Variants in ITIH2 observed in about 807,000 individuals in gnomAD.
The protein encoded by ITIH2 is inter-alpha-trypsin inhibitor heavy chain H2.
Under a neutral mutation model 104.4 loss-of-function variants are expected in ITIH2, and 103 were observed. That is an observed-to-expected ratio of 0.99 (90% confidence interval 0.84 to 1.16). The LOEUF (loss-of-function observed/expected upper bound fraction) is 1.16, where lower values mean the gene tolerates loss of function less well. Among genes scored for constraint, ITIH2 ranks in the 50% most tolerant of loss-of-function variants. ITIH2 has a pLI of 0.00. For synonymous variants in ITIH2, 436 were observed against 435.4 expected (o/e 1.00, Z -0.02); for missense variants, 1,108 against 1,162.4 (o/e 0.95, Z 0.68).
intron 19 of ITIH2, among the ~76,000 whole-genome samples, chr10:7,745,809 C>T (rs1835170617): frequency 6.6e-6 from 1 of 151,168 alleles, no homozygotes; most frequent in African/African-American, 2.4e-5. Context: ...GGCTGGAGCG[C>T]AGTGGCGCAA....
chr10:7,741,417 A>G (rs1453501941), intron 16 of ITIH2, among the ~76,000 whole-genome samples: 2 of 151,938 alleles, frequency 1.3e-5, no homozygotes, highest in Non-Finnish European at 2.9e-5. Context: ...TGACCTCGTG[A>G]TCCACCCGCC....
At chr10:7,715,868 G>A (rs1834844346) in intron 5 of ITIH2, among the ~76,000 whole-genome samples, 1 of 151,794 alleles carries the variant, frequency 6.6e-6, no homozygotes, top group African/African-American at 2.4e-5. Context: ...AGCCTCCCAA[G>A]CAGCTGGGAT....
chr10:7,721,070 C>A, intron 7 of ITIH2, 107 bp downstream of exon 7: 1 of 740,708 alleles, frequency 1.4e-6, no homozygotes. Context: ...GTGTTGAGGA[C>A]ACTGTTGAAG....
intron 15 of ITIH2, 137 bp downstream of exon 15, chr10:7,735,228 C>T: frequency 1.5e-6 from 1 of 681,056 alleles, no homozygotes; most frequent in Admixed American, 3.0e-5. Context: ...TGCCCAAGCT[C>T]TTCCTGCCAG....
chr10:7,727,448 A>G (rs902128986), intron 10 of ITIH2, among the ~76,000 whole-genome samples: 5 of 152,206 alleles, frequency 3.3e-5, no homozygotes, highest in Non-Finnish European at 5.9e-5. Context: ...CTGGTGTTTA[A>G]CAAGCTAACA....
intron 6 of ITIH2, among the ~76,000 whole-genome samples, chr10:7,720,274 T>C (rs1467967814): frequency 3.3e-5 from 5 of 152,192 alleles, no homozygotes; most frequent in African/African-American, 1.2e-4. Context: ...GCATTTGTAC[T>C]CCTTAAATTT....
At chr10:7,745,023 G>T (rs1163961596) in intron 19 of ITIH2, 60 bp downstream of exon 19, 1 of 1,440,424 alleles carries the variant, frequency 6.9e-7, no homozygotes, top group African/African-American at 1.4e-5. Context: ...TAGCAGCTTT[G>T]GTTGACAGTG....
intron 19 of ITIH2, 71 bp from the exon 20 acceptor site, chr10:7,746,522 G>A (rs964509204): frequency 5.1e-6 from 5 of 984,490 alleles, no homozygotes; most frequent in South Asian, 4.2e-5. Context: ...AGGTAGCATG[G>A]AGTCAATAAT....
rs2130940623 is a variant in ITIH2 at position 7,713,300 on chromosome 10, A to C, written c.467+15A>C. The C allele has an allele frequency of 1.9e-6, 3 of 1,592,882 alleles. No individual in the cohort carries two copies. Among genetic ancestry groups the C allele is most frequent in the African/African-American group, 1.3e-5 (1 of 74,586 alleles). On this transcript the variant is annotated intron_variant, in intron 5 of 20. Coordinates refer to ENST00000358415, the MANE Select transcript of ITIH2 (RefSeq NM_002216.3). ...GGCTTGGTGAGGTAAGGCCTGAGTG[A>C]GCAAGGCTTGCCCTTGCCTCTCAAT...
At position 7,733,770 on chromosome 10, in the gene ITIH2, G is replaced by C. The variant is rs550284193; in HGVS notation, c.1788-1152G>C. Among the ~76,000 whole-genome samples, 4 of 152,224 alleles carry C rather than the reference G, an allele frequency of 2.6e-5. No homozygotes were observed. In the South Asian group the frequency reaches 8.3e-4, roughly 32 times the overall value. ...AGTTCCCATTCCCAAGCCTCATTCT[G>C]TCTATAAGACAGGATTCTCAGGAAG... On this transcript the variant is annotated intron_variant, in intron 14 of 20. Transcript: ENST00000358415.
At chr10:7,720,772 A>C in intron 6 of ITIH2, 84 bp from the exon 7 acceptor site, 1 of 822,204 alleles carries the variant, frequency 1.2e-6, no homozygotes, top group East Asian at 2.5e-5. Context: ...AAAGCATCAG[A>C]GGACTTATTT....
At chr10:7,727,145 G>T in intron 10 of ITIH2, 27 bp downstream of exon 10, 7 of 1,581,410 alleles carry the variant, frequency 4.4e-6, no homozygotes, top group Non-Finnish European at 6.1e-6. Context: ...AAATCCCAAG[G>T]AGACACTTCC....
chr10:7,717,024 C>T (rs934911274), intron 5 of ITIH2, among the ~76,000 whole-genome samples: 38 of 150,662 alleles, frequency 2.5e-4, no homozygotes, highest in African/African-American at 7.8e-4. Flanking sequence ...CTCGGCTCAA[C>T]GCAACCTCTG....
At chr10:7,726,420 C>T (rs1410772652) in intron 9 of ITIH2, among the ~76,000 whole-genome samples, 1 of 152,040 alleles carries the variant, frequency 6.6e-6, no homozygotes, top group Non-Finnish European at 1.5e-5. Flanking sequence ...GCTAGTTGTT[C>T]TTTATTATCA....
chr10:7,715,505 AC>A lies in ITIH2; in HGVS notation c.468-2120del, dbSNP rs898518510. Among the ~76,000 whole-genome samples, 50 of 152,260 alleles carry A rather than the reference AC, an allele frequency of 3.3e-4. 3 individuals carry two copies. Among genetic ancestry groups the A allele is most frequent in the East Asian group, 2.5e-3 (13 of 5,174 alleles). On this transcript the variant is annotated intron_variant, in intron 5 of 20. Transcript: ENST00000358415. ...TTATTTGTTTATCCATCACACAAAT[AC>A]TTACTTCTACCAGAAACTCTTCTAG... is the stretch of plus-strand genomic sequence containing the variant.
chr10:7,713,186 T>A lies in ITIH2; in HGVS notation c.368T>A (p.Val123Glu), dbSNP rs1834813705. 6.2e-7 allele frequency: 1 copy of A among 1,613,140 alleles called. No individual in the cohort carries two copies. Among genetic ancestry groups the A allele is most frequent in the Non-Finnish European group, 8.5e-7 (1 of 1,179,206 alleles). Residue 123 changes from valine to glutamate, a missense_variant, in exon 5 of 21, where the codon GTG becomes GAG. By Grantham distance (121) the Val-to-Glu change is moderately radical (BLOSUM62 -2). Coordinates refer to ENST00000358415, the MANE Select transcript of ITIH2 (RefSeq NM_002216.3). Reference protein sequence around the residue: ...GAFISNFSMTVDGKTFRSSIK... With the variant: ...GAFISNFSMTEDGKTFRSSIK... ...TACCTTCTGTCATTTTCTAGGACTG[T>A]GGACGGCAAGACATTTAGGAGCTCT...
At chr10:7,706,018 C>T (rs1834743630) in intron 2 of ITIH2, among the ~76,000 whole-genome samples, 2 of 152,284 alleles carry the variant, frequency 1.3e-5, no homozygotes, top group South Asian at 4.1e-4. Context: ...ACGGAGCCCA[C>T]ATGCTGAGAG....
intron 15 of ITIH2, among the ~76,000 whole-genome samples, chr10:7,737,797 TATTCTATATTATATTCTATATA>T (rs1835080310): frequency 5.3e-5 from 1 of 18,974 alleles, no homozygotes; most frequent in Admixed American, 1.3e-3. Context: ...TTCTATATAA[TATTCTATATTATATTCTATATA>T]ATATTCTATA....
In ITIH2 at chr10:7,713,116, T is replaced by C. The variant is rs1006683878; in HGVS notation, c.363-65T>C. 4.7e-6 allele frequency: 6 copies of C among 1,276,160 alleles called. No homozygotes were observed. In the African/African-American group the frequency reaches 7.4e-5, roughly 16 times the overall value. 79.1% of individuals were successfully genotyped at this position (1,276,160 alleles called of 1,614,324 possible). ...GCCTGGGTGACAGAGCAAGACTCCA[T>C]CTCGAGGGGAAAAAAAAAAAAGATT... On this transcript the variant is annotated intron_variant, in intron 4 of 20. Transcript: ENST00000358415.
Sources: gnomAD v4.1 joint callset for allele counts (sites outside exome capture counted in the v4.1 genomes callset) on GRCh38, gnomAD v4.1.1 for gene constraint, MANE v1.5 for transcripts, NCBI Gene and HGNC (gene_info 2026-07-23, HGNC 2026-07-21) for gene names.